The following KCNAB2 variants were observed in gnomAD, a reference collection of about 807,000 sequenced individuals.
KCNAB2 encodes voltage-gated potassium channel subunit beta-2.
KCNAB2 carries 29 observed loss-of-function variants against 63.6 expected under a neutral mutation model. The observed-to-expected ratio is 0.46, with a 90% CI of 0.34 to 0.62. The LOEUF (loss-of-function observed/expected upper bound fraction) is 0.62. Ranked by LOEUF, KCNAB2 falls within the 20% of genes least tolerant of loss-of-function variation. The pLI, the probability that KCNAB2 is intolerant of heterozygous loss-of-function variation, is 0.01. For missense variants in KCNAB2, 359 were observed against 563.9 expected, an observed-to-expected ratio of 0.64 and a Z score of 3.68; for synonymous variants, 222 against 224.2, an observed-to-expected ratio of 0.99 and a Z score of 0.09.
At chr1:6,098,346 G>A in intron 15 of KCNAB2, 139 bp from the exon 16 acceptor site, 2 of 1,462,422 alleles carry the variant, frequency 1.4e-6, no homozygotes, top group African/African-American at 1.4e-5. Context: ...GCCTCCATCT[G>A]CCTCAGATGG....
intron 1 of KCNAB2, among the ~76,000 whole-genome samples, chr1:5,996,720 T>TC (rs1656962355): frequency 6.6e-6 from 1 of 152,228 alleles, no homozygotes; most frequent in Non-Finnish European, 1.5e-5. Context: ...GGGACCACCT[T>TC]CCTGGCCGTC....
Position 6,074,715 on chromosome 1 carries a change from T to A in KCNAB2, c.300+945T>A, listed in dbSNP as rs1663517347. The stretch of plus-strand genomic sequence containing the variant: ...TGACTCACACCTGTAACCCCAGCAC[T>A]TTGGAAGGCTGGGGCGGGCGGATCA... On this transcript the variant is annotated intron_variant, in intron 4 of 15. Transcript: ENST00000378083. The surrounding 1 kb of genome is among the most constrained non-coding windows in gnomAD (Gnocchi z 4.9). Among the ~76,000 whole-genome samples the A allele has an allele frequency of 6.6e-6, 1 of 152,134 alleles. No individual in the cohort carries two copies. Among genetic ancestry groups the A allele is most frequent in the East Asian group, 1.9e-4 (1 of 5,194 alleles).
intron 1 of KCNAB2, among the ~76,000 whole-genome samples, chr1:5,993,930 G>A (rs1355735937): frequency 2.0e-5 from 3 of 152,182 alleles, no homozygotes; most frequent in African/African-American, 7.2e-5. Context: ...GTTGGGAGGG[G>A]GCTGAGGAGC....
intron 10 of KCNAB2, 30 bp downstream of exon 10, chr1:6,091,337 C>G (rs1020319620): frequency 2.3e-5 from 33 of 1,462,460 alleles, no homozygotes; most frequent in Non-Finnish European, 2.9e-5. Context: ...TGACTATTGA[C>G]TTCTGTGTCC....
chr1:6,094,542 G>T, intron 11 of KCNAB2, 57 bp downstream of exon 11: 3 of 1,424,282 alleles, frequency 2.1e-6, no homozygotes, highest in Non-Finnish European at 9.7e-7. Flanking sequence ...CACCGGCTGC[G>T]TATGGAGACC....
At chr1:6,036,777 G>A (rs990854641) in intron 1 of KCNAB2, among the ~76,000 whole-genome samples, 2 of 152,078 alleles carry the variant, frequency 1.3e-5, no homozygotes, top group African/African-American at 4.8e-5. Context: ...TCAGGGGTCT[G>A]GGAAGCAGCA....
rs927613211 is a variant in KCNAB2 at position 6,036,376 on chromosome 1, G to A, written c.-53+1582G>A. On this transcript the variant is annotated intron_variant, in intron 1 of 15. Transcript: ENST00000164247. Reference sequence around the variant, plus strand: ...AACTTAGCCAGGCATGGTGGTGCACGTCTGTAATCCCAGCTATTTGGGAGG... The same window carrying A: ...AACTTAGCCAGGCATGGTGGTGCACATCTGTAATCCCAGCTATTTGGGAGG... Among the ~76,000 whole-genome samples the A allele has an allele frequency of 1.2e-4, 19 of 152,064 alleles. 1 individual carries two copies. The highest frequency in any genetic ancestry group is 2.6e-4 in the Admixed American group (4 of 15,266).
At chr1:6,050,065 G>T (rs1322312946) in intron 1 of KCNAB2, among the ~76,000 whole-genome samples, 5 of 152,174 alleles carry the variant, frequency 3.3e-5, no homozygotes, top group Admixed American at 3.3e-4. Context: ...GGCCCAGCCT[G>T]GGGCAACTCC....
chr1:6,004,715 A>G (rs541687195), intron 1 of KCNAB2, among the ~76,000 whole-genome samples: 2 of 152,030 alleles, frequency 1.3e-5, no homozygotes, highest in Admixed American at 6.6e-5. Context: ...CCTTAATTAC[A>G]TCTGCAAAAA....
chr1:6,083,084 G>A (rs905258849), intron 5 of KCNAB2, among the ~76,000 whole-genome samples: 1 of 152,144 alleles, frequency 6.6e-6, no homozygotes, highest in Admixed American at 6.5e-5. Context: ...CCTGGGGGCT[G>A]CCGCTGGGAC....
In KCNAB2 at chr1:6,073,829, T is replaced by G. The variant is rs562006198; in HGVS notation, c.300+59T>G. On this transcript the variant is annotated intron_variant, in intron 4 of 15. Coordinates refer to ENST00000378083, the MANE Select transcript of KCNAB2 (RefSeq NM_001199862.2). This position sits in a 1 kb window ranked among gnomAD's most constrained non-coding sequence, Gnocchi z 5.7. ...AGCACGGGCTCGCCAGAGCACATGG[T>G]TAAGTCTGCCGCGTGGACCAGTGAG... The G allele has an allele frequency of 5.8e-6, 9 of 1,555,896 alleles. 1 individual carries two copies. In the South Asian group the frequency reaches 1.0e-4, roughly 17 times the overall value.
chr1:6,053,573 C>T (rs1188631445), intron 2 of KCNAB2, among the ~76,000 whole-genome samples: 1 of 152,156 alleles, frequency 6.6e-6, no homozygotes, highest in Admixed American at 6.5e-5. Flanking sequence ...GAATGGATGC[C>T]TCTCTCAGCT....
At position 6,079,380 on chromosome 1, in the gene KCNAB2, C is replaced by T. The variant is rs574914477; in HGVS notation, c.301-2815C>T. Among the ~76,000 whole-genome samples, 14 of 152,266 alleles carry T rather than the reference C, an allele frequency of 9.2e-5. 1 individual carries two copies. In the South Asian group the frequency reaches 2.7e-3, roughly 29 times the overall value. On this transcript the variant is annotated intron_variant, in intron 4 of 15. Coordinates refer to ENST00000378083, the MANE Select transcript of KCNAB2 (RefSeq NM_001199862.2). ...ACTAAAAATAGAAAAATCAGCTGGG[C>T]TTGGTGGCATGCACCTGTAGTCCAG...
chr1:6,088,943 T>G, intron 7 of KCNAB2, 65 bp from the exon 8 acceptor site: 1 of 1,477,414 alleles, frequency 6.8e-7, no homozygotes, highest in Non-Finnish European at 9.2e-7. Context: ...TCGTAAACGT[T>G]TTTTGGGAGG....
At position 6,003,468 on chromosome 1, in the gene KCNAB2, C is replaced by T. The variant is rs578238367; in HGVS notation, c.-53+10680C>T. ...ACCTTCTCCACTCTTAGCGCGAGCC[C>T]TGCCCCAGCCAGGAGCACTCACTGA... On this transcript the variant is annotated intron_variant, in intron 1 of 16. Coordinates refer to the KCNAB2 transcript ENST00000341524. The surrounding 1 kb of genome is among the most constrained non-coding windows in gnomAD (Gnocchi z 4.1). 6.6e-6 allele frequency among the ~76,000 whole-genome samples: 1 copy of T among 152,372 alleles called. No individual in the cohort carries two copies. The highest frequency in any genetic ancestry group is 1.9e-4 in the East Asian group (1 of 5,184).
chr1:6,077,409 CCT>C (rs1244709789), intron 4 of KCNAB2, among the ~76,000 whole-genome samples: 2 of 152,194 alleles, frequency 1.3e-5, no homozygotes, highest in African/African-American at 4.8e-5. Context: ...TGAGTCGCTC[CCT>C]CTCTTTCCTG....
In KCNAB2 at chr1:6,057,550, G is replaced by A. The variant is rs1661945107; in HGVS notation, c.218+5796G>A. Among the ~76,000 whole-genome samples, 6 of 152,188 alleles carry A rather than the reference G, an allele frequency of 3.9e-5. No homozygotes were observed. In the South Asian group the frequency reaches 1.2e-3, roughly 31 times the overall value. ...GGGAAAGAGGGGTCCCCAAGGAACG[G>A]GGTCCATCTTGGGAAAGATCCTGTT... is the stretch of plus-strand genomic sequence containing the variant. On this transcript the variant is annotated intron_variant, in intron 2 of 15. Coordinates refer to ENST00000378083, the MANE Select transcript of KCNAB2 (RefSeq NM_001199862.2).
intron 2 of KCNAB2, among the ~76,000 whole-genome samples, chr1:6,060,901 CAAA>C (rs58592769): frequency 0.075 from 6,366 of 85,118 alleles, 466 homozygotes; most frequent in African/African-American, 0.22. Flanking sequence ...GACTCCGTCT[CAAA>C]AAAAAAAAAA....
chr1:6,054,496 G>T (rs1661645722), intron 2 of KCNAB2, among the ~76,000 whole-genome samples: 1 of 152,192 alleles, frequency 6.6e-6, no homozygotes. Flanking sequence ...CAGTCGTGGT[G>T]GCGGGCACCT....
Sources: allele counts gnomAD v4.1 joint callset (sites outside exome capture counted in the v4.1 genomes callset), GRCh38; gene constraint gnomAD v4.1.1; non-coding constraint Gnocchi (gnomAD v3.1); transcripts MANE v1.5; gene names NCBI Gene and HGNC (gene_info 2026-07-23, HGNC 2026-07-21).